MYBPC1: variants seen among roughly 807,000 people sequenced by gnomAD.
MYBPC1 encodes myosin-binding protein C, slow-type.
MYBPC1 carries 52 observed loss-of-function variants against 147.1 expected under a neutral mutation model. The ratio of observed to expected loss-of-function variants is 0.35; its 90% confidence interval spans 0.28 to 0.45. The LOEUF (loss-of-function observed/expected upper bound fraction) is 0.45, where lower values mean the gene tolerates loss of function less well. Among genes scored for constraint, MYBPC1 ranks in the 20% least tolerant of loss-of-function variants. The pLI, the probability that MYBPC1 is intolerant of heterozygous loss-of-function variation, is 1.00. For missense variants in MYBPC1, 1,228 were observed against 1,440.3 expected (o/e 0.85, Z 2.39); for synonymous variants, 477 against 475.9 (o/e 1.00, Z -0.03).
At chr12:101,600,575 T>C (rs1456659833) in intron 1 of MYBPC1, 1 of 152,242 alleles carries the variant, frequency 6.6e-6, no homozygotes, top group Non-Finnish European at 1.5e-5. Flanking sequence ...GCTGTGTAAT[T>C]ATTGCTATTG....
In MYBPC1 at chr12:101,648,051, C is replaced by T. The variant is rs1893597958; in HGVS notation, c.1097C>T (p.Pro366Leu). 6.2e-7 allele frequency: 1 copy of T among 1,610,030 alleles called. No individual in the cohort carries two copies. Among genetic ancestry groups the T allele is most frequent in the Non-Finnish European group, 8.5e-7 (1 of 1,176,558 alleles). ...CSTELFVREP[P>L]IMVTKQLEDT... ...TCCCCTTTTTGTATACTAGAGCCTC[C>T]AATTATGGTGACCAAACAGCTGGAA... Residue 366 changes from proline (P) to leucine (L), a missense_variant, in exon 14 of 32, where the codon CCA (proline) becomes CTA (leucine). Pro to Leu is a moderately conservative substitution (Grantham distance 98). Transcript: ENST00000361466.
At position 101,671,306 on chromosome 12, in the gene MYBPC1, CAT is replaced by C. The variant is rs202088620; in HGVS notation, c.2613+901_2613+902del. Reference sequence around the variant, plus strand: ...TAGGTCTCTACACACATTTGACACTCATATACACACACACACACACACACACA... The same window carrying C: ...TAGGTCTCTACACACATTTGACACTCATACACACACACACACACACACACA... On this transcript the variant is annotated intron_variant, in intron 24 of 31. Coordinates refer to ENST00000361466, the MANE Select transcript of MYBPC1 (RefSeq NM_002465.4). Among the ~76,000 whole-genome samples the C allele has an allele frequency of 7.8e-3, 825 of 105,610 alleles. 38 individuals carry two copies. In the East Asian group the frequency reaches 0.14, roughly 18 times the overall value. 69.3% of individuals were successfully genotyped at this position (105,610 alleles called of 152,430 possible).
chr12:101,655,145 T>C (rs1171627959), intron 18 of MYBPC1, among the ~76,000 whole-genome samples: 1 of 152,182 alleles, frequency 6.6e-6, no homozygotes, highest in Non-Finnish European at 1.5e-5. Flanking sequence ...ATGAAAATAG[T>C]TATTTTAAGT....
intron 22 of MYBPC1, among the ~76,000 whole-genome samples, chr12:101,665,396 C>T (rs756021564): frequency 2.6e-5 from 4 of 152,006 alleles, no homozygotes; most frequent in Admixed American, 6.6e-5. Context: ...GTGTTTAATG[C>T]TTTTAGAGAC....
chr12:101,600,120 G>A (rs1418219401), intron 1 of MYBPC1, among the ~76,000 whole-genome samples: 2 of 152,154 alleles, frequency 1.3e-5, no homozygotes, highest in Non-Finnish European at 2.9e-5. Context: ...ATTCCCTCTT[G>A]TTCCCAGGCC....
chr12:101,672,859 T>G (rs1369511136), intron 24 of MYBPC1, among the ~76,000 whole-genome samples: 1 of 151,996 alleles, frequency 6.6e-6, no homozygotes, highest in Admixed American at 6.6e-5. Context: ...AAAAAAAAAT[T>G]TAGATGATAT....
intron 8 of MYBPC1, 68 bp downstream of exon 8, chr12:101,632,206 A>G: frequency 9.4e-7 from 1 of 1,066,312 alleles, no homozygotes; most frequent in Non-Finnish European, 1.5e-6. Context: ...GAGAAGAAGT[A>G]GTTCATTTAA....
chr12:101,644,177 C>T (rs1287040647), intron 11 of MYBPC1, among the ~76,000 whole-genome samples: 5 of 152,120 alleles, frequency 3.3e-5, no homozygotes, highest in Admixed American at 6.5e-5. Context: ...GCTGGGATTA[C>T]AGGCATGCAC....
chr12:101,603,994 CTG>C (rs1312106511), intron 1 of MYBPC1, among the ~76,000 whole-genome samples: 2 of 152,158 alleles, frequency 1.3e-5, no homozygotes, highest in Non-Finnish European at 2.9e-5. Flanking sequence ...AAGGAGGAAA[CTG>C]TTAACAATTC....
chr12:101,621,142 A>AAATG (rs1887287439), intron 3 of MYBPC1, among the ~76,000 whole-genome samples: 2 of 152,118 alleles, frequency 1.3e-5, no homozygotes, highest in African/African-American at 2.4e-5. Flanking sequence ...CTAGCATGCT[A>AAATG]AAATATTTTT....
In MYBPC1 at chr12:101,626,027, G is replaced by A. The variant is rs557475777; in HGVS notation, c.104-845G>A. 2.8e-5 allele frequency among the ~76,000 whole-genome samples: 4 copies of A among 140,388 alleles called. No homozygotes were observed. In the South Asian group the frequency reaches 9.2e-4, roughly 32 times the overall value. The allele number at this position is 140,388 out of a possible 152,430, so 92.1% of individuals were successfully genotyped here. A position where few individuals can be genotyped will look rare whatever the true frequency, so the allele number is the denominator to read the frequency against. ...CGCTTGAACCCGGGAGGCGGAGGTT[G>A]CGGTGAGCCAAGATCACGCCATTGC... On this transcript the variant is annotated intron_variant, in intron 3 of 31. Transcript: ENST00000361466.
At chr12:101,597,506 A>T (rs915234922) in intron 1 of MYBPC1, among the ~76,000 whole-genome samples, 4 of 152,178 alleles carry the variant, frequency 2.6e-5, no homozygotes, top group African/African-American at 9.6e-5. Flanking sequence ...CCGTGGCCTA[A>T]TTCTGGGAGT....
chr12:101,670,224 A>T, intron 23 of MYBPC1, 97 bp from the exon 24 acceptor site: 1 of 936,912 alleles, frequency 1.1e-6, no homozygotes, highest in Non-Finnish European at 1.8e-6. Flanking sequence ...GATATGCCAC[A>T]AGGGTACGCT....
chr12:101,614,941 G>A (rs1165489753), intron 2 of MYBPC1: 2 of 272,648 alleles, frequency 7.3e-6, no homozygotes, highest in African/African-American at 2.2e-5. Context: ...CTCTACCCTG[G>A]AAGATCAGCT....
At chr12:101,602,164 G>T (rs141464567) in intron 1 of MYBPC1, among the ~76,000 whole-genome samples, 1 of 152,042 alleles carries the variant, frequency 6.6e-6, no homozygotes, top group African/African-American at 2.4e-5. Flanking sequence ...CAACTCTTTG[G>T]GTCTCAGTAA....
rs1375640550 is a variant in MYBPC1, at chr12:101,663,486, TGAG to T, written c.2284_2286del (p.Arg762del). 2 of 1,614,022 alleles carry T rather than the reference TGAG, an allele frequency of 1.2e-6. No homozygotes were observed. Among genetic ancestry groups the T allele is most frequent in the Non-Finnish European group, 1.7e-6 (2 of 1,180,002 alleles). ...TCTGTCACTGACACGACTGTCACGATGAGGTGGCGCCCCCCAGACCACATTGGT... is the reference window on the plus strand; with the variant it reads ...TCTGTCACTGACACGACTGTCACGATGTGGCGCCCCCCAGACCACATTGGT... On this transcript the variant is annotated inframe_deletion, in exon 22 of 32. Coordinates refer to ENST00000361466, the MANE Select transcript of MYBPC1 (RefSeq NM_002465.4).
At position 101,644,815 on chromosome 12, in the gene MYBPC1, A is replaced by G; in HGVS notation, c.965+19A>G. On this transcript the variant is annotated intron_variant, in intron 12 of 31. Transcript: ENST00000361466. The stretch of plus-strand genomic sequence containing the variant: ...GTACCAAGTAAGTGGGCTTTGCAAA[A>G]ATCAGTGATAGCTCTACAGTAAATT... 1 of 1,610,902 alleles carries G rather than the reference A, an allele frequency of 6.2e-7. No homozygotes were observed. Among genetic ancestry groups the G allele is most frequent in the Non-Finnish European group, 8.5e-7 (1 of 1,177,366 alleles).
At chr12:101,678,390 A>G (rs902602449) in intron 28 of MYBPC1, 152 bp downstream of exon 28, 11 of 1,160,000 alleles carry the variant, frequency 9.5e-6, no homozygotes, top group Middle Eastern at 2.1e-4. Flanking sequence ...TATTAGGCAC[A>G]CTATTCAGAT....
chr12:101,620,972 T>C (rs1296519443), intron 3 of MYBPC1, among the ~76,000 whole-genome samples: 1 of 152,228 alleles, frequency 6.6e-6, no homozygotes, highest in Non-Finnish European at 1.5e-5. Context: ...TAACCTGAGA[T>C]GAAGTCTTTC....
Sources: gnomAD v4.1 joint callset for allele counts (sites outside exome capture counted in the v4.1 genomes callset) on GRCh38, gnomAD v4.1.1 for gene constraint, MANE v1.5 for transcripts, NCBI Gene and HGNC (gene_info 2026-07-23, HGNC 2026-07-21) for gene names.